NEK1: variants seen among roughly 807,000 people sequenced by gnomAD.
The protein encoded by NEK1 is serine/threonine-protein kinase Nek1.
NEK1 carries 137 observed loss-of-function variants against 182.1 expected under a neutral mutation model. That is an observed-to-expected ratio of 0.75 (90% CI 0.65 to 0.87). The LOEUF (loss-of-function observed/expected upper bound fraction) is 0.87. NEK1 is among the 40% of genes least tolerant of loss of function. The pLI, the probability that NEK1 is intolerant of heterozygous loss-of-function variation, is 0.00. For synonymous variants in NEK1, 513 were observed against 492.2 expected, an observed-to-expected ratio of 1.04 and a Z score of -0.56; for missense variants, 1,391 against 1,494.4, an observed-to-expected ratio of 0.93 and a Z score of 1.14.
chr4:169,576,674 CAA>C (rs1361968061), intron 12 of NEK1: 1 of 272,284 alleles, frequency 3.7e-6, no homozygotes, highest in African/African-American at 2.2e-5. Context: ...TTAGGTTGCT[CAA>C]AAGTTATTTC....
At chr4:169,429,117 A>G (rs191644918) in intron 29 of NEK1, among the ~76,000 whole-genome samples, 1 of 152,224 alleles carries the variant, frequency 6.6e-6, no homozygotes, top group East Asian at 1.9e-4. Flanking sequence ...CTTTTCATAT[A>G]TATGGATTCC....
chr4:169,479,462 A>G lies in NEK1; in HGVS notation c.2080T>C (p.Ser694Pro). 1 of 1,612,316 alleles carries G rather than the reference A, an allele frequency of 6.2e-7. No homozygotes were observed. Among genetic ancestry groups the G allele is most frequent in the Non-Finnish European group, 8.5e-7 (1 of 1,179,144 alleles). The change falls in exon 24 of 36, where the codon TCA becomes CCA. Residue 694 changes from serine to proline, a missense_variant. Transcript: ENST00000507142. Reference protein sequence around the residue: ...LGQHETGGSPSKQQMRSVISV... With the variant: ...LGQHETGGSPPKQQMRSVISV... ...ATAACAGATCTCATCTGTTGCTTTG[A>G]TGGAGAGCCACCTGTTTCATGCTGT...
intron 23 of NEK1, among the ~76,000 whole-genome samples, chr4:169,491,646 T>C (rs1750114117): frequency 6.6e-6 from 1 of 152,182 alleles, no homozygotes; most frequent in African/African-American, 2.4e-5. Flanking sequence ...GAACAATAAC[T>C]ACTACCACAA....
intron 23 of NEK1, among the ~76,000 whole-genome samples, chr4:169,488,984 C>G (rs189529758): frequency 4.6e-5 from 7 of 152,252 alleles, no homozygotes; most frequent in Admixed American, 3.3e-4. Flanking sequence ...ATAAAGGCCA[C>G]AAACATTAAG....
At chr4:169,560,571 A>G (rs1762762571) in intron 16 of NEK1, among the ~76,000 whole-genome samples, 7 of 152,142 alleles carry the variant, frequency 4.6e-5, no homozygotes, top group Admixed American at 3.9e-4. Flanking sequence ...ACTTATACTC[A>G]AGGGAATGGA....
At chr4:169,434,034 T>C (rs1385509361) in intron 28 of NEK1, among the ~76,000 whole-genome samples, 1 of 152,080 alleles carries the variant, frequency 6.6e-6, no homozygotes, top group Non-Finnish European at 1.5e-5. Context: ...GTTAGAAATA[T>C]GGAAGAATAG....
chr4:169,439,517 C>G (rs1215433701), intron 27 of NEK1, among the ~76,000 whole-genome samples: 1 of 152,198 alleles, frequency 6.6e-6, no homozygotes, highest in East Asian at 1.9e-4. Flanking sequence ...TAGCAGAGAT[C>G]ACATCTGTGT....
chr4:169,491,136 C>CA lies in NEK1; in HGVS notation c.2008-11603dup, dbSNP rs70964208. The stretch of plus-strand genomic sequence containing the variant: ...CCAGCAACAGAGGAAGACTCCATCT[C>CA]AAAAAAAAAAAAAAAAAAAAAAAAA... On this transcript the variant is annotated intron_variant, in intron 23 of 35. Transcript: ENST00000507142. Among the ~76,000 whole-genome samples the CA allele has an allele frequency of 5.1e-3, 235 of 45,910 alleles. 15 individuals carry two copies. The highest frequency in any genetic ancestry group is 0.018 in the Middle Eastern group (1 of 56). 30.1% of individuals were successfully genotyped at this position (45,910 alleles called of 152,430 possible). A position where few individuals can be genotyped will look rare whatever the true frequency, so the allele number is the denominator to read the frequency against.
chr4:169,409,147 T>C (rs950149993), intron 31 of NEK1, among the ~76,000 whole-genome samples: 6 of 152,086 alleles, frequency 3.9e-5, no homozygotes, highest in African/African-American at 1.2e-4. Context: ...GTTTTACTTA[T>C]TGTTTTTCTT....
intron 11 of NEK1, 149 bp from the exon 12 acceptor site, chr4:169,577,228 T>A: frequency 1.2e-6 from 1 of 806,086 alleles, no homozygotes; most frequent in Non-Finnish European, 1.9e-6. Flanking sequence ...TCCCTTAGTA[T>A]TTACTAATGC....
intron 19 of NEK1, among the ~76,000 whole-genome samples, chr4:169,509,145 T>G (rs1025158299): frequency 1.3e-5 from 2 of 152,208 alleles, no homozygotes; most frequent in Non-Finnish European, 2.9e-5. Context: ...TTGTTTGTTT[T>G]AAATCACTGC....
chr4:169,542,137 A>G (rs766804441), intron 18 of NEK1, among the ~76,000 whole-genome samples: 6 of 152,132 alleles, frequency 3.9e-5, no homozygotes, highest in South Asian at 4.1e-4. Context: ...TGTCATCTAC[A>G]TTAGGTGTTT....
intron 16 of NEK1, among the ~76,000 whole-genome samples, chr4:169,560,476 C>T (rs2149936902): frequency 6.6e-6 from 1 of 152,230 alleles, no homozygotes; most frequent in South Asian, 2.1e-4. Context: ...GTTAACGTAA[C>T]CCTGGGAGAG....
At chr4:169,498,735 C>T (rs1343688311) in intron 23 of NEK1, among the ~76,000 whole-genome samples, 1 of 152,200 alleles carries the variant, frequency 6.6e-6, no homozygotes, top group Non-Finnish European at 1.5e-5. Context: ...TAATGGCCCC[C>T]ACTCTCTTCT....
intron 27 of NEK1, among the ~76,000 whole-genome samples, chr4:169,445,863 T>TAC (rs1413477721): frequency 7.6e-6 from 1 of 130,840 alleles, no homozygotes; most frequent in African/African-American, 2.9e-5. Context: ...TATATATATA[T>TAC]ATACACACAC....
At chr4:169,428,351 G>GACATATATATATATATAT (rs71590009) in intron 29 of NEK1, among the ~76,000 whole-genome samples, 3 of 93,224 alleles carry the variant, frequency 3.2e-5, no homozygotes, top group Non-Finnish European at 6.7e-5. Flanking sequence ...AAATATATGG[G>GACATATATATATATATAT]ATATATATAT....
intron 27 of NEK1, among the ~76,000 whole-genome samples, chr4:169,457,046 T>C (rs972438474): frequency 2.1e-4 from 32 of 152,098 alleles, no homozygotes; most frequent in Admixed American, 2.1e-3. Flanking sequence ...AGAATGGTAG[T>C]TACTAGAGGC....
chr4:169,418,593 C>A (rs1734928318), intron 31 of NEK1, among the ~76,000 whole-genome samples: 1 of 152,024 alleles, frequency 6.6e-6, no homozygotes, highest in African/African-American at 2.4e-5. Context: ...ATAAAACACA[C>A]AATATCGAAA....
At position 169,580,842 on chromosome 4, in the gene NEK1, C is replaced by T. The variant is rs1319026163; in HGVS notation, c.868G>A (p.Ala290Thr). The change falls in exon 11 of 36, where the codon GCT becomes ACT. Residue 290 changes from alanine (A) to threonine (T), a missense_variant and splice_region_variant. Around this residue, in one of 5 missense-constraint regions of NEK1, gnomAD observed 1,216 missense variants for 1,277.6 expected, o/e 0.95. Transcript: ENST00000507142. Reference sequence around the variant, plus strand: ...AGGCTTCATATCAGATTTCATTTACCTGGTATAGGCTGTGATCCAAACTTC... The same window carrying T: ...AGGCTTCATATCAGATTTCATTTACTTGGTATAGGCTGTGATCCAAACTTC... ...FSKFGSQPIP[A>T]KRPASGQNSI... 6.6e-7 allele frequency: 1 copy of T among 1,519,390 alleles called. No homozygotes were observed. The highest frequency in any genetic ancestry group is 1.2e-5 in the South Asian group (1 of 82,074). 94.1% of individuals were successfully genotyped at this position (1,519,390 alleles called of 1,614,324 possible).
Sources: allele counts gnomAD v4.1 joint callset (sites outside exome capture counted in the v4.1 genomes callset), GRCh38; gene constraint gnomAD v4.1.1; regional missense constraint gnomAD v4.1.1; transcripts MANE v1.5; gene names NCBI Gene and HGNC (gene_info 2026-07-23, HGNC 2026-07-21).